The following ARID2 variants were observed in gnomAD, a reference collection of about 807,000 sequenced individuals.
The protein encoded by ARID2 is AT-rich interactive domain-containing protein 2.
In ARID2, 32 loss-of-function variants were observed where a neutral mutation model predicts 184.6. That is an observed-to-expected ratio of 0.17 (90% CI 0.13 to 0.23). The LOEUF is 0.23. Ranked by LOEUF, ARID2 falls within the 10% of genes least tolerant of loss-of-function variation. ARID2 has a pLI of 1.00. For synonymous variants in ARID2, 836 were observed against 772.6 expected, an observed-to-expected ratio of 1.08 and a Z score of -1.36; for missense variants, 1,696 against 2,197.6, an observed-to-expected ratio of 0.77 and a Z score of 4.56.
chr12:45,789,820 T>A (rs1218480747), intron 3 of ARID2, among the ~76,000 whole-genome samples: 1 of 152,152 alleles, frequency 6.6e-6, no homozygotes, highest in Non-Finnish European at 1.5e-5. Context: ...ATATATTTTT[T>A]AAAGCTATTT....
intron 16 of ARID2, among the ~76,000 whole-genome samples, chr12:45,889,051 T>C (rs1288112168): frequency 6.6e-6 from 1 of 152,074 alleles, no homozygotes; most frequent in African/African-American, 2.4e-5. Flanking sequence ...TTAGGCATTG[T>C]GGTGCACGTA....
chr12:45,798,206 G>A (rs1005145377), intron 3 of ARID2, among the ~76,000 whole-genome samples: 1 of 137,372 alleles, frequency 7.3e-6, no homozygotes, highest in African/African-American at 2.6e-5. Context: ...TTGTTTGAAC[G>A]TGTTTTTTTT....
chr12:45,892,740 A>C (rs1256573847), intron 18 of ARID2, among the ~76,000 whole-genome samples: 2 of 152,074 alleles, frequency 1.3e-5, no homozygotes, highest in African/African-American at 4.8e-5. Context: ...GCACACAGAT[A>C]ATGATGCACT....
At position 45,905,753 on chromosome 12, in the gene ARID2, G is replaced by A. The variant is rs547822300; in HGVS notation, c.*675G>A. 1.0e-4 allele frequency: 24 copies of A among 232,902 alleles called. No homozygotes were observed. Among genetic ancestry groups the A allele is most frequent in the Admixed American group, 5.1e-4 (9 of 17,776 alleles). 14.4% of individuals were successfully genotyped at this position (232,902 alleles called of 1,614,324 possible). A position where few individuals can be genotyped will look rare whatever the true frequency, so the allele number is the denominator to read the frequency against. ...ACTGCAGCCACTGGAAATACATTCT[G>A]TGGTGTCCTAGAAGCATTATTGGTA... On this transcript the variant is annotated 3_prime_UTR_variant, in exon 21 of 21. Coordinates refer to ENST00000334344, the MANE Select transcript of ARID2 (RefSeq NM_152641.4).
intron 6 of ARID2, among the ~76,000 whole-genome samples, chr12:45,834,754 C>T (rs181373210): frequency 1.1e-3 from 160 of 152,294 alleles, no homozygotes; most frequent in African/African-American, 3.4e-3. Context: ...AAAAGAAATA[C>T]GTTGGCAGAT....
intron 16 of ARID2, among the ~76,000 whole-genome samples, chr12:45,872,022 T>C (rs2138205862): frequency 6.6e-6 from 1 of 152,282 alleles, no homozygotes; most frequent in South Asian, 2.1e-4. Context: ...TTAGGTTAGC[T>C]ACAGGTTTAT....
At chr12:45,866,579 A>G (rs1943834364) in intron 16 of ARID2, among the ~76,000 whole-genome samples, 1 of 152,212 alleles carries the variant, frequency 6.6e-6, no homozygotes, top group South Asian at 2.1e-4. Flanking sequence ...ATAATAGAAT[A>G]TGAGCTTGTT....
chr12:45,767,783 A>C (rs1048775383), intron 3 of ARID2, among the ~76,000 whole-genome samples: 1 of 152,216 alleles, frequency 6.6e-6, no homozygotes, highest in African/African-American at 2.4e-5. Context: ...AAAAAAATCT[A>C]CTTCACACTG....
intron 3 of ARID2, among the ~76,000 whole-genome samples, chr12:45,757,534 A>G (rs1390540505): frequency 6.6e-6 from 1 of 152,206 alleles, no homozygotes; most frequent in Non-Finnish European, 1.5e-5. Context: ...GTGAAAGCCC[A>G]TTGCCCTTCT....
At position 45,760,783 on chromosome 12, in the gene ARID2, GTTTC is replaced by G. The variant is rs1267896414; in HGVS notation, c.284+29473_284+29476del. On this transcript the variant is annotated intron_variant, in intron 3 of 20. Coordinates refer to ENST00000334344, the MANE Select transcript of ARID2 (RefSeq NM_152641.4). ...GTTCATATTTTTTAGGTACCTTTTT[GTTTC>G]TTTATTTTTTTCAGCTTTGCTGGAT... is the stretch of plus-strand genomic sequence containing the variant. 2.6e-5 allele frequency among the ~76,000 whole-genome samples: 4 copies of G among 151,360 alleles called. No homozygotes were observed. The East Asian group carries it at 7.8e-4, about 29-fold the overall frequency.
intron 8 of ARID2, among the ~76,000 whole-genome samples, 153 bp from the exon 9 acceptor site, chr12:45,837,168 A>T (rs182099139): frequency 6.6e-6 from 1 of 152,236 alleles, no homozygotes; most frequent in African/African-American, 2.4e-5. Context: ...AAAGTATTTG[A>T]AATGATGCTT....
intron 3 of ARID2, among the ~76,000 whole-genome samples, chr12:45,759,760 C>T (rs1474555699): frequency 6.6e-6 from 1 of 152,060 alleles, no homozygotes; most frequent in East Asian, 1.9e-4. Context: ...TGGGGTTTCA[C>T]TTTGTTTCCC....
intron 3 of ARID2, among the ~76,000 whole-genome samples, chr12:45,785,738 C>G (rs935266025): frequency 1.3e-5 from 2 of 152,126 alleles, no homozygotes; most frequent in Non-Finnish European, 2.9e-5. Flanking sequence ...AACACCCCCC[C>G]AAATCCAAAA....
intron 15 of ARID2, among the ~76,000 whole-genome samples, chr12:45,856,251 T>C (rs557847825): frequency 6.6e-6 from 1 of 151,706 alleles, no homozygotes; most frequent in South Asian, 2.1e-4. Context: ...GTATTTTTAA[T>C]AGAGACTGGG....
At chr12:45,734,078 A>C (rs1390038337) in intron 3 of ARID2, among the ~76,000 whole-genome samples, 1 of 152,256 alleles carries the variant, frequency 6.6e-6, no homozygotes, top group East Asian at 1.9e-4. Flanking sequence ...AGTCTATTTA[A>C]AAATTGGAGG....
intron 3 of ARID2, among the ~76,000 whole-genome samples, chr12:45,773,726 G>T (rs1941922456): frequency 6.6e-6 from 1 of 152,006 alleles, no homozygotes; most frequent in Admixed American, 6.6e-5. Flanking sequence ...CAAATAAAGA[G>T]ATTGAGTTAA....
At chr12:45,904,631 C>T (rs998227623) in intron 20 of ARID2, among the ~76,000 whole-genome samples, 3 of 135,532 alleles carry the variant, frequency 2.2e-5, no homozygotes, top group African/African-American at 5.8e-5. Context: ...GTGGAGGTTG[C>T]AGTGAGCTAA....
At chr12:45,757,678 G>A (rs1203752054) in intron 3 of ARID2, among the ~76,000 whole-genome samples, 1 of 152,154 alleles carries the variant, frequency 6.6e-6, no homozygotes. Context: ...GCATAGTAGG[G>A]TGCCTTGAGA....
At chr12:45,766,547 T>G (rs1022893523) in intron 3 of ARID2, among the ~76,000 whole-genome samples, 1 of 151,404 alleles carries the variant, frequency 6.6e-6, no homozygotes, top group Admixed American at 6.6e-5. Context: ...AGAATCTTGC[T>G]CTGTCACCCT....
Sources: allele counts gnomAD v4.1 joint callset (sites outside exome capture counted in the v4.1 genomes callset), GRCh38; gene constraint gnomAD v4.1.1; transcripts MANE v1.5; gene names NCBI Gene and HGNC (gene_info 2026-07-23, HGNC 2026-07-21).